The following MSH3 variants were observed in gnomAD, a reference collection of about 807,000 sequenced individuals.
MSH3 encodes the protein mutS homolog 3, also known as DNA mismatch repair protein Msh3.
MSH3 carries 106 observed loss-of-function variants against 123.3 expected under a neutral mutation model. The observed-to-expected ratio is 0.86, with a 90% CI of 0.73 to 1.01. MSH3 has a LOEUF of 1.01. Ranked by LOEUF, MSH3 falls within the 50% of genes least tolerant of loss-of-function variation. The probability of loss-of-function intolerance (pLI) is 0.00; values close to 1 mark genes in which losing one functional copy is unlikely to be tolerated. For missense variants in MSH3, 1,459 were observed against 1,347.6 expected (o/e 1.08, Z -1.29); for synonymous variants, 515 against 481.4 (o/e 1.07, Z -0.91).
chr5:80,792,985 AC>A (rs2112027075), intron 19 of MSH3, 141 bp downstream of exon 19: 2 of 629,500 alleles, frequency 3.2e-6, no homozygotes, highest in Admixed American at 2.9e-5. Flanking sequence ...TTTTATATTT[AC>A]CACGAAATGT....
At chr5:80,769,192 T>C (rs568496892) in intron 15 of MSH3, among the ~76,000 whole-genome samples, 189 bp downstream of exon 15, 1 of 152,130 alleles carries the variant, frequency 6.6e-6, no homozygotes, top group Non-Finnish European at 1.5e-5. Context: ...TATTAGTCTC[T>C]TGTTAAAGTA....
chr5:80,823,979 C>T (rs1292635415), intron 20 of MSH3, among the ~76,000 whole-genome samples: 3 of 152,280 alleles, frequency 2.0e-5, no homozygotes, highest in East Asian at 1.9e-4. Context: ...CCTGAGTGGA[C>T]ACAGCACATG....
chr5:80,864,045 G>A (rs180987469), intron 21 of MSH3, among the ~76,000 whole-genome samples: 273 of 152,258 alleles, frequency 1.8e-3, no homozygotes, highest in Non-Finnish European at 3.2e-3. Context: ...AATTTAAGGC[G>A]TGGCAAGGAA....
chr5:80,671,590 G>A (rs1160593175), intron 4 of MSH3, among the ~76,000 whole-genome samples: 1 of 152,194 alleles, frequency 6.6e-6, no homozygotes, highest in East Asian at 1.9e-4. Flanking sequence ...GGTAAAGGCT[G>A]ATGTTTTTCT....
chr5:80,666,537 T>C (rs889618163), intron 3 of MSH3, among the ~76,000 whole-genome samples: 2 of 152,226 alleles, frequency 1.3e-5, no homozygotes, highest in African/African-American at 4.8e-5. Context: ...AGTATAGTGG[T>C]TATTAAGCAT....
intron 22 of MSH3, among the ~76,000 whole-genome samples, chr5:80,870,433 G>T (rs1176534263): frequency 6.6e-6 from 1 of 151,888 alleles, no homozygotes; most frequent in Non-Finnish European, 1.5e-5. Flanking sequence ...GGCTTTTTTT[G>T]ATTGCCTATT....
At chr5:80,667,742 C>T (rs967877254) in intron 3 of MSH3, among the ~76,000 whole-genome samples, 5 of 152,152 alleles carry the variant, frequency 3.3e-5, no homozygotes, top group African/African-American at 9.7e-5. Context: ...AACACAGTGG[C>T]GCCCAGAAGC....
chr5:80,850,177 C>T (rs949517064), intron 20 of MSH3, among the ~76,000 whole-genome samples: 1 of 152,194 alleles, frequency 6.6e-6, no homozygotes, highest in Non-Finnish European at 1.5e-5. Context: ...TCTGAGACCA[C>T]CTCAGCCTGG....
intron 20 of MSH3, among the ~76,000 whole-genome samples, chr5:80,816,793 A>G (rs1745108933): frequency 6.6e-6 from 1 of 152,206 alleles, no homozygotes; most frequent in African/African-American, 2.4e-5. Flanking sequence ...AGATAAATGG[A>G]GTTGTCAGAG....
intron 3 of MSH3, among the ~76,000 whole-genome samples, chr5:80,666,455 A>T (rs780529838): frequency 6.6e-6 from 1 of 152,180 alleles, no homozygotes; most frequent in African/African-American, 2.4e-5. Flanking sequence ...TGATTGACTT[A>T]TCTTAGATCA....
intron 18 of MSH3, among the ~76,000 whole-genome samples, chr5:80,788,431 ACT>A (rs1267612201): frequency 3.3e-5 from 5 of 151,582 alleles, no homozygotes; most frequent in African/African-American, 1.2e-4. Flanking sequence ...AGAGAGTGAG[ACT>A]CTGTCTCAAA....
In MSH3 at chr5:80,793,082, A is replaced by G. The variant is rs6151846; in HGVS notation, c.2655+238A>G. Among the ~76,000 whole-genome samples the G allele has an allele frequency of 0.13, 19,500 of 152,220 alleles. 1,290 individuals carry two copies. Among genetic ancestry groups the G allele is most frequent in the East Asian group, 0.28 (1,439 of 5,158 alleles). Reference sequence around the variant, plus strand: ...CTAATTAGTTATCCTAGGTAACCCAATAAAAATATTTTACATTTGTAAATA... The same window carrying G: ...CTAATTAGTTATCCTAGGTAACCCAGTAAAAATATTTTACATTTGTAAATA... On this transcript the variant is annotated intron_variant, in intron 19 of 23. Coordinates refer to ENST00000265081, the MANE Select transcript of MSH3 (RefSeq NM_002439.5).
At position 80,876,114 on chromosome 5, in the gene MSH3, T is replaced by A; in HGVS notation, c.*252T>A. On this transcript the variant is annotated 3_prime_UTR_variant, in exon 24 of 24. Coordinates refer to ENST00000265081, the MANE Select transcript of MSH3 (RefSeq NM_002439.5). ...ATTAGAAAATTTTATGGACAGTAAG[T>A]CCAGTAAAGCCTTAAGTGGCAGAAT... The A allele has an allele frequency of 2.2e-6, 1 of 463,180 alleles. No individual in the cohort carries two copies. The highest frequency in any genetic ancestry group is 3.2e-5 in the South Asian group (1 of 31,734). 28.7% of individuals were successfully genotyped at this position (463,180 alleles called of 1,614,324 possible).
intron 12 of MSH3, chr5:80,746,669 T>C (rs891100953): frequency 9.7e-6 from 3 of 308,794 alleles, no homozygotes; most frequent in African/African-American, 6.8e-5. Context: ...TTTAAAAATA[T>C]TGCTGCATTA....
intron 20 of MSH3, among the ~76,000 whole-genome samples, chr5:80,833,087 T>A (rs1235754663): frequency 6.6e-6 from 1 of 152,196 alleles, no homozygotes; most frequent in Non-Finnish European, 1.5e-5. Flanking sequence ...ATTTCTTTTT[T>A]CCACAATGCT....
chr5:80,681,565 T>G (rs985587962), intron 8 of MSH3, among the ~76,000 whole-genome samples: 3 of 151,820 alleles, frequency 2.0e-5, no homozygotes, highest in Admixed American at 6.6e-5. Flanking sequence ...TGATAAATTA[T>G]GATAAATGGA....
intron 17 of MSH3, among the ~76,000 whole-genome samples, chr5:80,781,622 A>T (rs1055611908): frequency 2.6e-5 from 4 of 151,994 alleles, no homozygotes; most frequent in African/African-American, 9.7e-5. Context: ...ATGCAGTGCC[A>T]CACCTGGCTA....
intron 20 of MSH3, among the ~76,000 whole-genome samples, chr5:80,820,333 A>C (rs977558702): frequency 2.7e-4 from 41 of 152,364 alleles, no homozygotes; most frequent in African/African-American, 8.9e-4. Context: ...TGTGTTTGAC[A>C]GCAATCTTTT....
Position 80,737,205 on chromosome 5 carries a change from C to T in MSH3, c.1569-4259C>T, listed in dbSNP as rs574413223. Among the ~76,000 whole-genome samples, 253 of 152,246 alleles carry T rather than the reference C, an allele frequency of 1.7e-3. 1 individual carries two copies. Among genetic ancestry groups the T allele is most frequent in the African/African-American group, 5.9e-3 (244 of 41,548 alleles). ...GTTAGACAAGTGATGAATTTATGAA[C>T]TCTGAAAGCTGTACACACAGAAATG... On this transcript the variant is annotated intron_variant, in intron 10 of 23. Coordinates refer to ENST00000265081, the MANE Select transcript of MSH3 (RefSeq NM_002439.5).
Sources: allele counts gnomAD v4.1 joint callset (sites outside exome capture counted in the v4.1 genomes callset), GRCh38; gene constraint gnomAD v4.1.1; transcripts MANE v1.5; gene names NCBI Gene and HGNC (gene_info 2026-07-23, HGNC 2026-07-21).